Variants in PIH1D2 observed in about 807,000 individuals in gnomAD.
The protein encoded by PIH1D2 is PIH1 domain-containing protein 2.
PIH1D2 carries 25 observed loss-of-function variants against 31.2 expected under a neutral mutation model. The observed-to-expected ratio is 0.80, with a 90% confidence interval of 0.58 to 1.12. The LOEUF is 1.12. Ranked by LOEUF, PIH1D2 falls within the 50% of genes most tolerant of loss-of-function variation. PIH1D2 has a pLI of 0.00. For synonymous variants in PIH1D2, 116 were observed against 119.9 expected (o/e 0.97, Z 0.21); for missense variants, 310 against 356.6 (o/e 0.87, Z 1.05).
intron 5 of PIH1D2, 96 bp downstream of exon 5, chr11:112,070,340 G>T (rs1185599746): frequency 2.1e-6 from 3 of 1,423,942 alleles, no homozygotes; most frequent in African/African-American, 2.9e-5. Context: ...GCAAATCATT[G>T]TAAGCCCCTG....
rs1466112244 is a variant in PIH1D2 at position 112,071,742 on chromosome 11, A to AT, written c.193dup (p.Ile65AsnfsTer34). ...CCACTGACACAGGTTGATAAAAAGT[A>AT]TTTTTTCTTTTGGTTTCTGGAAAGC... On this transcript the variant is annotated frameshift_variant, in exon 3 of 6. Transcript: ENST00000280350. LOFTEE classifies it high-confidence loss of function. 3.1e-6 allele frequency: 5 copies of AT among 1,613,962 alleles called. No individual in the cohort carries two copies. Among genetic ancestry groups the AT allele is most frequent in the Non-Finnish European group, 4.2e-6 (5 of 1,179,914 alleles).
chr11:112,054,247 C>T, the PIH1D2 span, among the ~76,000 whole-genome samples: 16 of 152,116 alleles, frequency 1.1e-4, no homozygotes, highest in African/African-American at 3.9e-4. Flanking sequence ...ACCTGGGAGG[C>T]GGAGGTTGCA....
the PIH1D2 span, among the ~76,000 whole-genome samples, chr11:112,054,047 A>T: frequency 0.038 from 5,720 of 151,558 alleles, 336 homozygotes; most frequent in African/African-American, 0.13. Flanking sequence ...GGTGGCTCAC[A>T]CCTGTAATCC....
chr11:112,064,839 C>CG (rs1197101242), downstream of PIH1D2, among the ~76,000 whole-genome samples: 3 of 144,716 alleles, frequency 2.1e-5, no homozygotes, highest in Non-Finnish European at 4.5e-5. Context: ...ATCTGGTCTC[C>CG]AAATTTTTTT....
At chr11:112,067,157 TA>T (rs1555183927), downstream of PIH1D2, among the ~76,000 whole-genome samples, 1 of 152,162 alleles carries the variant, frequency 6.6e-6, no homozygotes, top group Non-Finnish European at 1.5e-5. Flanking sequence ...ATCCTGATAA[TA>T]AAAAACTTCT....
At position 112,071,037 on chromosome 11, in the gene PIH1D2, C is replaced by A; in HGVS notation, c.547+1G>T. The stretch of plus-strand genomic sequence containing the variant: ...TTTTCCATTTACAATCATCAACTTA[C>A]CCCTTCTCATTTTTTCTCTTAAATC... On this transcript the variant is annotated splice_donor_variant, in intron 4 of 5. Transcript: ENST00000280350. LOFTEE classifies it high-confidence loss of function. 2 of 1,611,578 alleles carry A rather than the reference C, an allele frequency of 1.2e-6. No individual in the cohort carries two copies. Among genetic ancestry groups the A allele is most frequent in the Non-Finnish European group, 1.7e-6 (2 of 1,179,342 alleles).
chr11:112,060,157 A>AT, downstream of PIH1D2: 6 of 952,594 alleles, frequency 6.3e-6, no homozygotes, highest in Admixed American at 2.8e-5. Context: ...TCTGTCACGT[A>AT]ATTTTTTTTT....
chr11:112,055,665 G>A, the PIH1D2 span, among the ~76,000 whole-genome samples: 3 of 151,870 alleles, frequency 2.0e-5, no homozygotes, highest in East Asian at 5.8e-4. Flanking sequence ...GGGCTTTCCT[G>A]TTCCTTGCTT....
intron 5 of PIH1D2, 93 bp downstream of exon 5, chr11:112,070,343 A>C: frequency 7.0e-7 from 1 of 1,435,720 alleles, no homozygotes; most frequent in Non-Finnish European, 9.5e-7. Context: ...AATCATTGTA[A>C]GCCCCTGAAA....
chr11:112,061,448 T>C (rs1376835986), downstream of PIH1D2: 1 of 397,454 alleles, frequency 2.5e-6, no homozygotes, highest in African/African-American at 2.0e-5. Context: ...ATTCAAGTTG[T>C]GCTTACTGGA....
chr11:112,067,685 A>AAAAAAAAAAAAAAAAAATATATATAT, downstream of PIH1D2: 1 of 17,804 alleles, frequency 5.6e-5, no homozygotes, highest in Non-Finnish European at 1.1e-4. Flanking sequence ...AAAAAAAAAA[A>AAAAAAAAAAAAAAAAAATATATATAT]ATATATATAT....
the PIH1D2 span, among the ~76,000 whole-genome samples, chr11:112,055,413 T>A: frequency 2.6e-5 from 4 of 151,414 alleles, no homozygotes; most frequent in Non-Finnish European, 5.9e-5. Flanking sequence ...CCGGCTAATT[T>A]TTTTGTATTT....
downstream of PIH1D2, among the ~76,000 whole-genome samples, chr11:112,065,974 G>A (rs1237938838): frequency 2.0e-5 from 3 of 151,922 alleles, no homozygotes; most frequent in Admixed American, 2.0e-4. Flanking sequence ...CTCCAGCCTG[G>A]GTGACCGAGC....
downstream of PIH1D2, among the ~76,000 whole-genome samples, chr11:112,060,479 A>T (rs782358137): frequency 2.0e-5 from 3 of 151,382 alleles, no homozygotes; most frequent in Non-Finnish European, 4.4e-5. Context: ...TTTGAAACAG[A>T]GTCTCACTCT....
At chr11:112,072,884 C>CAAAAAAAAAAA in intron 2 of PIH1D2, 114 bp downstream of exon 2, 1 of 926,844 alleles carries the variant, frequency 1.1e-6, no homozygotes. Flanking sequence ...CAAAACAAAA[C>CAAAAAAAAAAA]AAAACAAAAA....
In PIH1D2 at chr11:112,070,430, A is replaced by G. The variant is rs677699; in HGVS notation, c.813+6T>C. On this transcript the variant is annotated splice_donor_region_variant and intron_variant, in intron 5 of 5. Coordinates refer to ENST00000280350, the MANE Select transcript of PIH1D2 (RefSeq NM_138789.4). ...ACAAATTTACAGTGTTATCTATTCAACTTACCTCAGAAACACTAAGGTCAC... is the reference window on the plus strand; with the variant it reads ...ACAAATTTACAGTGTTATCTATTCAGCTTACCTCAGAAACACTAAGGTCAC... 9.6e-3 allele frequency: 15,509 copies of G among 1,612,446 alleles called. 1,234 individuals carry two copies. The African/African-American group carries it at 0.17, about 18-fold the overall frequency.
At chr11:112,071,417 T>C in intron 3 of PIH1D2, 134 bp from the exon 4 acceptor site, 1 of 1,306,262 alleles carries the variant, frequency 7.7e-7, no homozygotes, top group South Asian at 1.5e-5. Context: ...ATCACAGTAG[T>C]GCTACAGCAA....
At chr11:112,060,772 G>A (rs995947697), downstream of PIH1D2, among the ~76,000 whole-genome samples, 3 of 152,038 alleles carry the variant, frequency 2.0e-5, no homozygotes, top group Non-Finnish European at 2.9e-5. Context: ...GGCCTGCCAC[G>A]TAACTCTTAT....
chr11:112,070,117 ACTGTGAGAATACAC>A, intron 5 of PIH1D2: 6 of 503,542 alleles, frequency 1.2e-5, no homozygotes, highest in Non-Finnish European at 2.1e-5. Flanking sequence ...ACTTCCTGTG[ACTGTGAGAATACAC>A]TTCTCAGTCC....
Sources: allele counts gnomAD v4.1 joint callset (sites outside exome capture counted in the v4.1 genomes callset), GRCh38; gene constraint gnomAD v4.1.1; transcripts MANE v1.5; gene names NCBI Gene and HGNC (gene_info 2026-07-23, HGNC 2026-07-21).